GRAMD1B: variants seen among roughly 807,000 people sequenced by gnomAD.
The protein encoded by GRAMD1B is GRAM domain containing 1B.
GRAMD1B carries 37 observed loss-of-function variants against 99.7 expected under a neutral mutation model. The ratio of observed to expected loss-of-function variants is 0.37; its 90% CI spans 0.29 to 0.49. The LOEUF is 0.49. Ranked by LOEUF, GRAMD1B falls within the 20% of genes least tolerant of loss-of-function variation. The pLI, the probability that GRAMD1B is intolerant of heterozygous loss-of-function variation, is 0.98. For synonymous variants in GRAMD1B, 427 were observed against 387.6 expected (o/e 1.10, Z -1.19); for missense variants, 888 against 1,009.2 (o/e 0.88, Z 1.63).
chr11:123,626,875 T>A lies in GRAMD1B; in HGVS notation c.*4280T>A, dbSNP rs1955532447. 1 of 152,358 alleles carries A rather than the reference T, an allele frequency of 6.6e-6. No individual in the cohort carries two copies. The highest frequency in any genetic ancestry group is 6.5e-5 in the Admixed American group (1 of 15,284). The allele number at this position is 152,358 out of a possible 1,614,324, so 9.4% of individuals were successfully genotyped here. A position where few individuals can be genotyped will look rare whatever the true frequency, so the allele number is the denominator to read the frequency against. The stretch of plus-strand genomic sequence containing the variant: ...GAAGGCCATCTTTTAAGGCCCCTGC[T>A]TGCTGTCATAGTGCAGAGCAGAAAC... On this transcript the variant is annotated 3_prime_UTR_variant, in exon 20 of 20. Coordinates refer to ENST00000635736, the MANE Select transcript of GRAMD1B (RefSeq NM_001387025.1).
intron 1 of GRAMD1B, among the ~76,000 whole-genome samples, chr11:123,394,426 A>G (rs1182151115): frequency 6.6e-6 from 1 of 152,146 alleles, no homozygotes. Flanking sequence ...CCACTTCCGT[A>G]TTTGTGGACT....
At chr11:123,583,064 A>G (rs1457639222) in intron 3 of GRAMD1B, among the ~76,000 whole-genome samples, 2 of 149,886 alleles carry the variant, frequency 1.3e-5, no homozygotes, top group East Asian at 2.0e-4. Flanking sequence ...GTCTCTGTAT[A>G]TGTGTGTGTC....
At chr11:123,608,357 G>A in intron 11 of GRAMD1B, 2 of 730,258 alleles carry the variant, frequency 2.7e-6, no homozygotes, top group South Asian at 4.0e-5. Context: ...TTTAGTCTAA[G>A]ATCAACTGAA....
In GRAMD1B at chr11:123,471,295, C is replaced by A. The variant is rs1046489734; in HGVS notation, c.375-9521C>A. Among the ~76,000 whole-genome samples the A allele has an allele frequency of 2.0e-5, 3 of 152,198 alleles. No individual in the cohort carries two copies. The East Asian group carries it at 5.8e-4, about 29-fold the overall frequency. ...TTCCCTGATATAAAACAGGAAGAAG[C>A]AGGAACCCAATAGAATGTAAACTCC... On this transcript the variant is annotated intron_variant, in intron 1 of 19. Coordinates refer to ENST00000635736, the MANE Select transcript of GRAMD1B (RefSeq NM_001387025.1).
chr11:123,438,233 T>C (rs574387045), intron 1 of GRAMD1B, among the ~76,000 whole-genome samples: 1 of 152,188 alleles, frequency 6.6e-6, no homozygotes, highest in Non-Finnish European at 1.5e-5. Flanking sequence ...CTGAGGAACC[T>C]GAAGTTCAGA....
In GRAMD1B at chr11:123,430,461, A is replaced by C; in HGVS notation, c.-332A>C. ...AGGCAAAGACGCCAGCAAGCGAGGA[A>C]GCGCAGCGGAAGAAAAACAAGCGGG... On this transcript the variant is annotated 5_prime_UTR_variant, in exon 1 of 20. Coordinates refer to ENST00000635736, the MANE Select transcript of GRAMD1B (RefSeq NM_001387025.1). 2.2e-5 allele frequency: 7 copies of C among 312,918 alleles called. No homozygotes were observed. The highest frequency in any genetic ancestry group is 1.2e-4 in the East Asian group (2 of 16,144). The allele number at this position is 312,918 out of a possible 1,614,324, so 19.4% of individuals were successfully genotyped here. A position where few individuals can be genotyped will look rare whatever the true frequency, so the allele number is the denominator to read the frequency against.
At chr11:123,598,857 C>G (rs1951606453) in intron 7 of GRAMD1B, 4 of 1,377,326 alleles carry the variant, frequency 2.9e-6, no homozygotes, top group Non-Finnish European at 4.1e-6. Flanking sequence ...AGGCTTCACT[C>G]TATCTGTGTA....
At chr11:123,434,418 C>T (rs1011723471) in intron 1 of GRAMD1B, among the ~76,000 whole-genome samples, 3 of 152,014 alleles carry the variant, frequency 2.0e-5, no homozygotes, top group Admixed American at 6.6e-5. Flanking sequence ...TTTTAGGCCT[C>T]GAAGATGAAA....
At position 123,548,291 on chromosome 11, in the gene GRAMD1B, A is replaced by T. The variant is rs1429888778; in HGVS notation, c.453-29076A>T. Among the ~76,000 whole-genome samples the T allele has an allele frequency of 8.0e-5, 6 of 75,154 alleles. No individual in the cohort carries two copies. The East Asian group carries it at 1.8e-3, about 22-fold the overall frequency. The allele number at this position is 75,154 out of a possible 152,430, so 49.3% of individuals were successfully genotyped here. On this transcript the variant is annotated intron_variant, in intron 2 of 19. Coordinates refer to ENST00000635736, the MANE Select transcript of GRAMD1B (RefSeq NM_001387025.1). ...AATTGGAAGAGTCAGGCTGTGCCAA[A>T]ATATATATATATATATATATATATA...
rs371716819 is a variant in GRAMD1B, at chr11:123,403,448, G to GATA, written c.-176+44691_-176+44693dup. Among the ~76,000 whole-genome samples the GATA allele has an allele frequency of 6.6e-3, 919 of 139,144 alleles. 1 individual carries two copies. The highest frequency in any genetic ancestry group is 0.012 in the South Asian group (50 of 4,332). 91.3% of individuals were successfully genotyped at this position (139,144 alleles called of 152,430 possible). ...GTCTCAAAATAATGATGATGATGATGATAATAATAATAATAATAATAATAA... is the reference window on the plus strand; with the variant it reads ...GTCTCAAAATAATGATGATGATGATGATAATAATAATAATAATAATAATAATAA... On this transcript the variant is annotated intron_variant, in intron 1 of 20. Transcript: ENST00000638157.
At chr11:123,515,378 T>C (rs1941574737) in intron 2 of GRAMD1B, among the ~76,000 whole-genome samples, 1 of 152,178 alleles carries the variant, frequency 6.6e-6, no homozygotes, top group South Asian at 2.1e-4. Flanking sequence ...AAATTAGAAA[T>C]GCTCCCAAAC....
chr11:123,619,220 A>C lies in GRAMD1B; in HGVS notation c.2540A>C (p.Asp847Ala), dbSNP rs1954822426. 6.4e-7 allele frequency: 1 copy of C among 1,556,232 alleles called. No individual in the cohort carries two copies. Among genetic ancestry groups the C allele is most frequent in the South Asian group, 1.2e-5 (1 of 84,230 alleles). The change falls in exon 19 of 20, where the codon GAC becomes GCC. Residue 847 changes from aspartate (D) to alanine (A), a missense_variant. Asp to Ala is a moderately radical substitution (Grantham distance 126, BLOSUM62 -2). Around this residue, in one of 5 missense-constraint regions of GRAMD1B, gnomAD observed 232 missense variants for 261.7 expected, o/e 0.89. Coordinates refer to ENST00000635736, the MANE Select transcript of GRAMD1B (RefSeq NM_001387025.1). ...ATCAAATCCTCAGTGATGCTCCTTG[A>C]CCAGGTGAGATGCCCCACCTTCTCT... ...EIIKSSVMLL[D>A]QMKDSLINLQ...
intron 2 of GRAMD1B, among the ~76,000 whole-genome samples, chr11:123,513,601 C>CTCTCTTT (rs1591772451): frequency 1.3e-4 from 5 of 37,350 alleles, no homozygotes; most frequent in African/African-American, 3.5e-4. Flanking sequence ...TTCCTTCCTT[C>CTCTCTTT]CTTCCTTCCT....
intron 1 of GRAMD1B, among the ~76,000 whole-genome samples, chr11:123,433,035 T>A (rs1948973312): frequency 6.6e-6 from 1 of 152,098 alleles, no homozygotes; most frequent in African/African-American, 2.4e-5. Flanking sequence ...TGGGGCAAGC[T>A]TGGTGGGAGC....
intron 1 of GRAMD1B, among the ~76,000 whole-genome samples, chr11:123,441,007 G>A (rs890627075): frequency 2.0e-5 from 3 of 152,172 alleles, no homozygotes; most frequent in Non-Finnish European, 4.4e-5. Flanking sequence ...CATGTGAGAT[G>A]TGCCTTTCAC....
intron 3 of GRAMD1B, among the ~76,000 whole-genome samples, chr11:123,584,003 C>A (rs1322323523): frequency 2.0e-5 from 3 of 152,104 alleles, no homozygotes; most frequent in Non-Finnish European, 4.4e-5. Flanking sequence ...ATGCCCACAG[C>A]GCGCCCCTCA....
chr11:123,604,806 G>A (rs746260876), intron 9 of GRAMD1B, among the ~76,000 whole-genome samples: 1 of 152,130 alleles, frequency 6.6e-6, no homozygotes, highest in Non-Finnish European at 1.5e-5. Flanking sequence ...GTTCCTCGAC[G>A]AGCACCCACC....
At chr11:123,559,298 A>G (rs1021179563) in intron 2 of GRAMD1B, among the ~76,000 whole-genome samples, 4 of 152,186 alleles carry the variant, frequency 2.6e-5, no homozygotes, top group Admixed American at 6.5e-5. Flanking sequence ...AGAGATGACA[A>G]TGGTTCTCAA....
At chr11:123,374,819 G>T (rs376507522) in intron 1 of GRAMD1B, among the ~76,000 whole-genome samples, 4 of 152,158 alleles carry the variant, frequency 2.6e-5, no homozygotes, top group African/African-American at 9.7e-5. Context: ...CTGGTGCTGC[G>T]TTGCCATGAG....
Sources: gnomAD v4.1 joint callset for allele counts (sites outside exome capture counted in the v4.1 genomes callset) on GRCh38, gnomAD v4.1.1 for gene constraint, gnomAD v4.1.1 regional missense constraint, MANE v1.5 for transcripts, NCBI Gene and HGNC (gene_info 2026-07-23, HGNC 2026-07-21) for gene names.